Variants in EIF2AK4 observed in about 807,000 individuals in gnomAD.
The protein encoded by EIF2AK4 is eukaryotic translation initiation factor 2 alpha kinase 4.
In EIF2AK4, 139 loss-of-function variants were observed where a neutral mutation model predicts 211.1. The observed-to-expected ratio is 0.66, with a 90% confidence interval of 0.57 to 0.76. The LOEUF (loss-of-function observed/expected upper bound fraction) is 0.76, where lower values mean the gene tolerates loss of function less well. EIF2AK4 is among the 30% of genes least tolerant of loss of function. EIF2AK4 has a pLI of 0.00. For missense variants in EIF2AK4, 1,664 were observed against 2,043.8 expected (o/e 0.81, Z 3.58); for synonymous variants, 710 against 751.3 (o/e 0.94, Z 0.90).
intron 18 of EIF2AK4, among the ~76,000 whole-genome samples, chr15:39,995,712 T>C (rs1306404441): frequency 6.6e-6 from 1 of 152,184 alleles, no homozygotes; most frequent in East Asian, 1.9e-4. Context: ...TTTATTTTTT[T>C]CCTAGCTTAT....
At chr15:39,980,353 AAAAAGTACAT>A (rs1456143593) in intron 13 of EIF2AK4, among the ~76,000 whole-genome samples, 2 of 152,256 alleles carry the variant, frequency 1.3e-5, no homozygotes, top group African/African-American at 4.8e-5. Flanking sequence ...ACTTTCTAAT[AAAAAGTACAT>A]AAAAGTACAT....
intron 26 of EIF2AK4, among the ~76,000 whole-genome samples, chr15:40,011,053 C>T (rs1253667718): frequency 1.3e-5 from 2 of 152,128 alleles, no homozygotes; most frequent in Non-Finnish European, 2.9e-5. Flanking sequence ...TACAACTTTC[C>T]CCTTTTAATT....
intron 21 of EIF2AK4, chr15:40,002,396 A>G (rs1291489212): frequency 3.9e-6 from 1 of 257,790 alleles, no homozygotes; most frequent in Non-Finnish European, 7.4e-6. Flanking sequence ...GCGCCACAGT[A>G]TCCCTGAGAG....
chr15:40,018,205 A>T (rs929411367), intron 29 of EIF2AK4, among the ~76,000 whole-genome samples: 1 of 152,108 alleles, frequency 6.6e-6, no homozygotes, highest in African/African-American at 2.4e-5. Context: ...ATTTACCCCA[A>T]ATTTCTGGTT....
chr15:40,017,551 A>ATATGTATGTATG (rs57395145), intron 29 of EIF2AK4, among the ~76,000 whole-genome samples: 1,125 of 86,176 alleles, frequency 0.013, 30 homozygotes, highest in Non-Finnish European at 0.017. Context: ...ATATATATAT[A>ATATGTATGTATG]TATGTATTTT....
At chr15:39,944,441 T>A (rs1056981457) in intron 3 of EIF2AK4, among the ~76,000 whole-genome samples, 20 of 148,530 alleles carry the variant, frequency 1.3e-4, no homozygotes, top group Non-Finnish European at 2.8e-4. Flanking sequence ...TCTTTTTTTT[T>A]TTTTTTTTGA....
rs1242028841 is a variant in EIF2AK4, at chr15:39,990,194, G to A, written c.2527-79G>A. ...GACCTCATACGATTTTCATCGCTAGGTTGGCCTTTTAAATTAGGAAGTAGG... is the reference window on the plus strand; with the variant it reads ...GACCTCATACGATTTTCATCGCTAGATTGGCCTTTTAAATTAGGAAGTAGG... On this transcript the variant is annotated intron_variant, in intron 15 of 38. Transcript: ENST00000263791. 5 of 1,384,462 alleles carry A rather than the reference G, an allele frequency of 3.6e-6. No individual in the cohort carries two copies. The South Asian group carries it at 4.9e-5, about 13-fold the overall frequency. 85.8% of individuals were successfully genotyped at this position (1,384,462 alleles called of 1,614,324 possible).
intron 3 of EIF2AK4, among the ~76,000 whole-genome samples, chr15:39,947,823 G>C (rs1352896446): frequency 2.0e-5 from 3 of 152,212 alleles, no homozygotes; most frequent in Admixed American, 6.5e-5. Flanking sequence ...AGTCAGTTTG[G>C]AAAGTAGTTC....
intron 1 of EIF2AK4, among the ~76,000 whole-genome samples, chr15:39,936,973 G>A (rs1332295629): frequency 1.3e-5 from 2 of 152,082 alleles, no homozygotes; most frequent in Non-Finnish European, 1.5e-5. Context: ...TAGTGGGGAT[G>A]TGTTGTAATA....
At chr15:39,997,583 G>A (rs2035034077) in intron 19 of EIF2AK4, among the ~76,000 whole-genome samples, 1 of 152,202 alleles carries the variant, frequency 6.6e-6, no homozygotes, top group African/African-American at 2.4e-5. Flanking sequence ...TGGGTATTTA[G>A]TTCTAGAAGT....
At chr15:39,973,157 C>T in intron 10 of EIF2AK4, 143 bp downstream of exon 10, 3 of 716,242 alleles carry the variant, frequency 4.2e-6, no homozygotes, top group Non-Finnish European at 7.1e-6. Flanking sequence ...TTGATGTGTG[C>T]CATGTGCATG....
chr15:39,946,936 A>T (rs1426118779), intron 3 of EIF2AK4: 5 of 406,364 alleles, frequency 1.2e-5, no homozygotes, highest in Admixed American at 4.1e-5. Context: ...TTTCACACTT[A>T]ATAGACTACC....
intron 29 of EIF2AK4, among the ~76,000 whole-genome samples, chr15:40,018,823 T>C (rs1272380692): frequency 1.3e-5 from 2 of 152,366 alleles, no homozygotes; most frequent in East Asian, 3.9e-4. Context: ...TGTGTCAATT[T>C]GGATTAGCCA....
chr15:39,992,916 G>A, intron 18 of EIF2AK4, 68 bp downstream of exon 18: 1 of 1,498,448 alleles, frequency 6.7e-7, no homozygotes, highest in Non-Finnish European at 9.3e-7. Context: ...CACAGCATTT[G>A]GGATTTAGTC....
chr15:39,981,393 A>G (rs1017928376), intron 13 of EIF2AK4, among the ~76,000 whole-genome samples: 9 of 152,094 alleles, frequency 5.9e-5, no homozygotes, highest in Non-Finnish European at 8.8e-5. Flanking sequence ...AGTCTGAACT[A>G]CTGCTAAAGC....
Position 39,987,967 on chromosome 15 carries a change from G to A in EIF2AK4, c.2404-16G>A. 2 of 1,611,374 alleles carry A rather than the reference G, an allele frequency of 1.2e-6. No homozygotes were observed. The highest frequency in any genetic ancestry group is 1.7e-6 in the Non-Finnish European group (2 of 1,178,732). ...ACTGTTGTGTAATCAAATTCTCCTG[G>A]TTTGTCTGTATATAGATGGAGTACT... On this transcript the variant is annotated splice_polypyrimidine_tract_variant and intron_variant, in intron 14 of 38. Transcript: ENST00000263791.
rs74011717 is a variant in EIF2AK4 at position 39,950,949 on chromosome 15, A to G, written c.513+1681A>G. ...GAAACTTGTTCACTGAAACATTTTG[A>G]TTTGCATTAATGCTTTACATCCCCC... On this transcript the variant is annotated intron_variant, in intron 4 of 38. Transcript: ENST00000263791. Among the ~76,000 whole-genome samples the G allele has an allele frequency of 5.7e-3, 875 of 152,316 alleles. 9 individuals are homozygous for G. Among genetic ancestry groups the G allele is most frequent in the African/African-American group, 0.02 (842 of 41,566 alleles).
At chr15:39,988,238 T>TCCTACAAAAATAGA in intron 15 of EIF2AK4, 133 bp downstream of exon 15, 2 of 958,600 alleles carry the variant, frequency 2.1e-6, no homozygotes, top group South Asian at 1.7e-5. Flanking sequence ...ATAATCTATT[T>TCCTACAAAAATAGA]TTGTAGGAAA....
At chr15:40,010,250 A>C (rs552225031) in intron 26 of EIF2AK4, among the ~76,000 whole-genome samples, 3 of 152,338 alleles carry the variant, frequency 2.0e-5, no homozygotes, top group Admixed American at 1.3e-4. Context: ...GTTGAGAATA[A>C]ACAGTGTGCC....
Sources: allele counts gnomAD v4.1 joint callset (sites outside exome capture counted in the v4.1 genomes callset), GRCh38; gene constraint gnomAD v4.1.1; transcripts MANE v1.5; gene names NCBI Gene and HGNC (gene_info 2026-07-23, HGNC 2026-07-21).